The following FLNC variants were observed in gnomAD, a reference collection of about 807,000 sequenced individuals.
The protein encoded by FLNC is filamin C.
A neutral mutation model predicts 254.3 loss-of-function variants in FLNC; 91 were observed. The observed-to-expected ratio is 0.36, with a 90% confidence interval of 0.30 to 0.43. FLNC has a LOEUF of 0.43. FLNC is among the 20% of genes least tolerant of loss of function. The probability of loss-of-function intolerance (pLI) is 1.00; values close to 1 mark genes in which losing one functional copy is unlikely to be tolerated. For missense variants in FLNC, 2,853 were observed against 3,802.6 expected (o/e 0.75, Z 6.57); for synonymous variants, 1,430 against 1,577.2 (o/e 0.91, Z 2.21).
At position 128,835,529 on chromosome 7, in the gene FLNC, C is replaced by A. The variant is rs137926567; in HGVS notation, c.556C>A (p.Gln186Lys). 6.2e-7 allele frequency: 1 copy of A among 1,613,650 alleles called. No homozygotes were observed. Among genetic ancestry groups the A allele is most frequent in the Non-Finnish European group, 8.5e-7 (1 of 1,180,028 alleles). The change falls in exon 2 of 48, where the codon CAG becomes AAG. Residue 186 changes from glutamine (Q) to lysine (K), a missense_variant. This residue lies in a region of FLNC where 115 missense variants were observed against 230.3 expected (regional missense o/e 0.50). Transcript: ENST00000325888. This position sits in a 1 kb window ranked among gnomAD's most constrained non-coding sequence, Gnocchi z 5.3. Reference protein sequence around the residue: ...LPITNFNRDWQDGKALGALVD... With the variant: ...LPITNFNRDWKDGKALGALVD... Reference sequence around the variant, plus strand: ...CATCACCAACTTCAACCGTGACTGGCAGGACGGCAAAGCTCTGGGCGCCCT... The same window carrying A: ...CATCACCAACTTCAACCGTGACTGGAAGGACGGCAAAGCTCTGGGCGCCCT...
At position 128,840,791 on chromosome 7, in the gene FLNC, G is replaced by C. The variant is rs377025688; in HGVS notation, c.1677-43G>C. 3.6e-4 allele frequency: 577 copies of C among 1,613,100 alleles called. No individual in the cohort carries two copies. The highest frequency in any genetic ancestry group is 4.3e-4 in the Non-Finnish European group (502 of 1,179,740). On this transcript the variant is annotated intron_variant, in intron 10 of 47. Coordinates refer to ENST00000325888, the MANE Select transcript of FLNC (RefSeq NM_001458.5). Reference sequence around the variant, plus strand: ...GGAGTTTGGGCTGCGAGGGACTTTGGGGGGCACTTCCTGGCATGGACACCA... The same window carrying C: ...GGAGTTTGGGCTGCGAGGGACTTTGCGGGGCACTTCCTGGCATGGACACCA...
Position 128,842,079 on chromosome 7 carries a change from G to A in FLNC, c.2122-152G>A, listed in dbSNP as rs1808354431. 4.1e-5 allele frequency: 32 copies of A among 774,082 alleles called. No individual in the cohort carries two copies. In the South Asian group the frequency reaches 4.5e-4, roughly 11 times the overall value. 48.0% of individuals were successfully genotyped at this position (774,082 alleles called of 1,614,324 possible). A position where few individuals can be genotyped will look rare whatever the true frequency, so the allele number is the denominator to read the frequency against. Reference sequence around the variant, plus strand: ...GGGTGGGCTCTGGCCGCCAGAGCACGTGGCCCTGGGCTCTGGTGGCCTCAG... The same window carrying A: ...GGGTGGGCTCTGGCCGCCAGAGCACATGGCCCTGGGCTCTGGTGGCCTCAG... On this transcript the variant is annotated intron_variant, in intron 13 of 47. Coordinates refer to ENST00000325888, the MANE Select transcript of FLNC (RefSeq NM_001458.5). The surrounding 1 kb of genome is among the most constrained non-coding windows in gnomAD (Gnocchi z 5.4).
In FLNC at chr7:128,844,971, A is replaced by T. The variant is rs530742766; in HGVS notation, c.3506A>T (p.Lys1169Met). The T allele has an allele frequency of 6.2e-7, 1 of 1,613,804 alleles. No individual in the cohort carries two copies. The highest frequency in any genetic ancestry group is 8.5e-7 in the Non-Finnish European group (1 of 1,180,014). The part of the protein sequence containing the change: ...RASGPGLERG[K>M]VGEAATFTVD... ...AGTGGACCGGGCCTGGAGCGCGGCA[A>T]GGTCGGTGAGGCAGCCACCTTCACT... The change falls in exon 21 of 48, where the codon AAG (lysine) becomes ATG (methionine). Residue 1169 changes from lysine to methionine, a missense_variant. Lys to Met is a moderately conservative substitution (Grantham distance 95). Coordinates refer to ENST00000325888, the MANE Select transcript of FLNC (RefSeq NM_001458.5).
chr7:128,856,811 G>A lies in FLNC; in HGVS notation c.7451G>A (p.Gly2484Asp). 2 of 1,614,162 alleles carry A rather than the reference G, an allele frequency of 1.2e-6. No individual in the cohort carries two copies. Among genetic ancestry groups the A allele is most frequent in the East Asian group, 2.2e-5 (1 of 44,868 alleles). ...GVHSIDVKFN[G>D]AHIPGSPFKI... ...CACTCCATCGATGTCAAGTTCAACG[G>A]TGCCCACATCCCTGGAAGTCCCTTC... Residue 2484 changes from glycine to aspartate, a missense_variant, in exon 45 of 48, where the codon GGT becomes GAT. This residue lies in a region of FLNC where 197 missense variants were observed against 351.5 expected (regional missense o/e 0.56). Transcript: ENST00000325888. This position sits in a 1 kb window ranked among gnomAD's most constrained non-coding sequence, Gnocchi z 5.9.
At chr7:128,849,092 C>T in intron 28 of FLNC, 89 bp from the exon 29 acceptor site, 3 of 1,580,262 alleles carry the variant, frequency 1.9e-6, no homozygotes, top group Non-Finnish European at 2.6e-6. Flanking sequence ...CACACATGCC[C>T]TAGCCCTGGC....
rs375361259 is a variant in FLNC at position 128,841,279 on chromosome 7, C to T, written c.1923C>T (p.His641=). 2.7e-4 allele frequency: 441 copies of T among 1,614,000 alleles called. No individual in the cohort carries two copies. The highest frequency in any genetic ancestry group is 3.3e-4 in the Non-Finnish European group (395 of 1,180,002). Residue 641 remains histidine (H), a synonymous_variant, in exon 12 of 48, where the codon CAC becomes CAT. Coordinates refer to ENST00000325888, the MANE Select transcript of FLNC (RefSeq NM_001458.5). This position sits in a 1 kb window ranked among gnomAD's most constrained non-coding sequence, Gnocchi z 4.3. ...CGGAGCCTGGGGAGTACGCTGTGCA[C>T]GTCATCTGTGACGATGAGGACATCC... ...WPTEPGEYAV[H]VICDDEDIRD...
chr7:128,858,229 G>T lies in FLNC; in HGVS notation c.7990+12G>T. 1 of 1,385,680 alleles carries T rather than the reference G, an allele frequency of 7.2e-7. No homozygotes were observed. The highest frequency in any genetic ancestry group is 1.0e-6 in the Non-Finnish European group (1 of 974,712). 85.8% of individuals were successfully genotyped at this position (1,385,680 alleles called of 1,614,324 possible). On this transcript the variant is annotated intron_variant, in intron 47 of 47. Transcript: ENST00000325888. This position sits in a 1 kb window ranked among gnomAD's most constrained non-coding sequence, Gnocchi z 6.7. The stretch of plus-strand genomic sequence containing the variant: ...CTGCAGCAAAGCAGGCAGGTGGCGG[G>T]GGGAGGGCGTCTCCCGGGGTGTGAG...
chr7:128,851,047 T>C (rs907995332), intron 33 of FLNC, 104 bp downstream of exon 33: 1 of 1,536,572 alleles, frequency 6.5e-7, no homozygotes, highest in Non-Finnish European at 9.0e-7. Context: ...GCACCCGCTG[T>C]GTGCAGACAC....
chr7:128,831,339 C>T (rs1401804242), intron 1 of FLNC, among the ~76,000 whole-genome samples: 3 of 152,234 alleles, frequency 2.0e-5, no homozygotes, highest in African/African-American at 7.2e-5. Flanking sequence ...CTCGGGAGGA[C>T]AGAACCAGTG....
At position 128,841,308 on chromosome 7, in the gene FLNC, A is replaced by T; in HGVS notation, c.1952A>T (p.Asp651Val). ...HVICDDEDIRDSPFIAHILPA... is the reference protein window; with the variant it reads ...HVICDDEDIRVSPFIAHILPA... ...ATCTGTGACGATGAGGACATCCGAG[A>T]CTCACCCTTCATTGCCCACATCCTG... The change falls in exon 12 of 48, where the codon GAC (aspartate) becomes GTC (valine). Residue 651 changes from aspartate to valine, a missense_variant. Physicochemically the swap from Asp to Val is radical, Grantham distance 152. This residue lies in a region of FLNC where 1,573 missense variants were observed against 1,883.5 expected (regional missense o/e 0.84). Coordinates refer to ENST00000325888, the MANE Select transcript of FLNC (RefSeq NM_001458.5). The surrounding 1 kb of genome is among the most constrained non-coding windows in gnomAD (Gnocchi z 4.3). The T allele has an allele frequency of 6.2e-7, 1 of 1,613,680 alleles. No homozygotes were observed. Among genetic ancestry groups the T allele is most frequent in the Non-Finnish European group, 8.5e-7 (1 of 1,179,926 alleles).
At chr7:128,848,758 G>A in intron 27 of FLNC, 35 bp from the exon 28 acceptor site, 1 of 1,614,098 alleles carries the variant, frequency 6.2e-7, no homozygotes. Context: ...CATGCTCCAG[G>A]CACAGGCGGG....
Position 128,851,640 on chromosome 7 carries a change from G to A in FLNC, c.5842+12G>A, listed in dbSNP as rs745604311. ...AGCCAAGATCACAGGTGAGGCGGGT[G>A]TATGGGCATGTACAGCCCATGAGGC... On this transcript the variant is annotated intron_variant, in intron 35 of 47. Coordinates refer to ENST00000325888, the MANE Select transcript of FLNC (RefSeq NM_001458.5). 13 of 1,613,438 alleles carry A rather than the reference G, an allele frequency of 8.1e-6. No individual in the cohort carries two copies. The highest frequency in any genetic ancestry group is 4.0e-5 in the African/African-American group (3 of 75,058).
chr7:128,835,531 G>A lies in FLNC; in HGVS notation c.558G>A (p.Gln186=), dbSNP rs532206394. 6.8e-6 allele frequency: 11 copies of A among 1,613,520 alleles called. No individual in the cohort carries two copies. Among genetic ancestry groups the A allele is most frequent in the Non-Finnish European group, 9.3e-6 (11 of 1,180,034 alleles). ...LPITNFNRDW[Q]DGKALGALVD... ...TCACCAACTTCAACCGTGACTGGCA[G>A]GACGGCAAAGCTCTGGGCGCCCTGG... is the stretch of plus-strand genomic sequence containing the variant. The change falls in exon 2 of 48, where the codon CAG becomes CAA. Residue 186 remains glutamine, a synonymous_variant. Transcript: ENST00000325888. This position sits in a 1 kb window ranked among gnomAD's most constrained non-coding sequence, Gnocchi z 5.3.
In FLNC at chr7:128,838,323, G is replaced by C. The variant is rs748923864; in HGVS notation, c.1104G>C (p.Val368=). 11 of 1,613,956 alleles carry C rather than the reference G, an allele frequency of 6.8e-6. No homozygotes were observed. Among genetic ancestry groups the C allele is most frequent in the Non-Finnish European group, 8.5e-6 (10 of 1,179,958 alleles). Residue 368 remains valine (V), a synonymous_variant, in exon 7 of 48, where the codon GTG becomes GTC. Coordinates refer to ENST00000325888, the MANE Select transcript of FLNC (RefSeq NM_001458.5). ...AACGCAGTCCCTTTGAGGTGAACGTGGGCATGGCCCTGGGAGATGCCAACA... is the reference window on the plus strand; with the variant it reads ...AACGCAGTCCCTTTGAGGTGAACGTCGGCATGGCCCTGGGAGATGCCAACA... ...NIERSPFEVN[V]GMALGDANKV...
At chr7:128,847,003 G>A (rs1167972548) in intron 24 of FLNC, 98 bp downstream of exon 24, 2 of 1,484,632 alleles carry the variant, frequency 1.3e-6, no homozygotes, top group Admixed American at 1.7e-5. Flanking sequence ...GGGTAAGAAT[G>A]TTCATAGAGA....
chr7:128,850,150 C>A (rs1217101066), intron 31 of FLNC, 76 bp downstream of exon 31: 6 of 1,286,684 alleles, frequency 4.7e-6, no homozygotes, highest in Non-Finnish European at 6.5e-6. Context: ...CCTCTGCAGC[C>A]AGGGCGGGGA....
chr7:128,842,384 C>T lies in FLNC; in HGVS notation c.2265+10C>T. 1.2e-6 allele frequency: 2 copies of T among 1,613,164 alleles called. No homozygotes were observed. Among genetic ancestry groups the T allele is most frequent in the Non-Finnish European group, 1.7e-6 (2 of 1,179,920 alleles). ...CAAGAGCCCCTTCCGGGTGCGTCCT[C>T]CCGGCCTGCCCCGTGCCCACCACCA... On this transcript the variant is annotated intron_variant, in intron 14 of 47. Transcript: ENST00000325888. The surrounding 1 kb of genome is among the most constrained non-coding windows in gnomAD (Gnocchi z 5.4).
intron 21 of FLNC, 86 bp downstream of exon 21, chr7:128,845,341 A>G: frequency 1.8e-6 from 2 of 1,093,646 alleles, no homozygotes; most frequent in Non-Finnish European, 2.7e-6. Flanking sequence ...AAGAGCTGAG[A>G]GCTGGAAGAG....
chr7:128,832,489 G>GCTGTC (rs1807932087), intron 1 of FLNC, among the ~76,000 whole-genome samples: 1 of 152,218 alleles, frequency 6.6e-6, no homozygotes, highest in Admixed American at 6.5e-5. Flanking sequence ...GCTTCGGCAA[G>GCTGTC]ACATATAGGA....
Sources: allele counts gnomAD v4.1 joint callset (sites outside exome capture counted in the v4.1 genomes callset), GRCh38; gene constraint gnomAD v4.1.1; regional missense constraint gnomAD v4.1.1; non-coding constraint Gnocchi (gnomAD v3.1); transcripts MANE v1.5; gene names NCBI Gene and HGNC (gene_info 2026-07-23, HGNC 2026-07-21).